LHFPL3: variants seen among roughly 807,000 people sequenced by gnomAD.
LHFPL3 encodes LHFPL tetraspan subfamily member 3 protein.
Under a neutral mutation model 19.3 loss-of-function variants are expected in LHFPL3, and 5 were observed. The ratio of observed to expected loss-of-function variants is 0.26; its 90% CI spans 0.14 to 0.54. The LOEUF (loss-of-function observed/expected upper bound fraction) is 0.54. Among genes scored for constraint, LHFPL3 ranks in the 20% least tolerant of loss-of-function variants. LHFPL3 has a pLI of 0.94. For missense variants in LHFPL3, 249 were observed against 307.4 expected (o/e 0.81, Z 1.42); for synonymous variants, 133 against 126.2 (o/e 1.05, Z -0.36).
At chr7:104,516,125 G>T (rs1227991215) in intron 1 of LHFPL3, among the ~76,000 whole-genome samples, 1 of 152,098 alleles carries the variant, frequency 6.6e-6, no homozygotes, top group African/African-American at 2.4e-5. Context: ...CTGAGGCTGA[G>T]GAGGCCTCAG....
At chr7:104,649,564 AG>A in intron 1 of LHFPL3, among the ~76,000 whole-genome samples, 1 of 152,372 alleles carries the variant, frequency 6.6e-6, no homozygotes, top group Middle Eastern at 3.4e-3. Flanking sequence ...GGAGGGGAGC[AG>A]GAGACCAGCC....
intron 1 of LHFPL3, among the ~76,000 whole-genome samples, chr7:104,503,172 T>C (rs1441897596): frequency 1.3e-5 from 2 of 151,678 alleles, no homozygotes; most frequent in Non-Finnish European, 2.9e-5. Context: ...AATATTAAGC[T>C]TTATAAGATA....
chr7:104,534,268 G>C (rs1429258467), intron 1 of LHFPL3, among the ~76,000 whole-genome samples: 5 of 152,170 alleles, frequency 3.3e-5, no homozygotes, highest in Non-Finnish European at 7.3e-5. Context: ...ATGCTTAAAA[G>C]ACATAGATTT....
intron 1 of LHFPL3, among the ~76,000 whole-genome samples, chr7:104,451,107 A>G (rs980797360): frequency 6.6e-6 from 1 of 152,232 alleles, no homozygotes; most frequent in Non-Finnish European, 1.5e-5. Flanking sequence ...GACTAGGACC[A>G]GAGAACTGAA....
intron 1 of LHFPL3, among the ~76,000 whole-genome samples, chr7:104,329,661 C>T (rs1439032548): frequency 1.3e-5 from 2 of 152,116 alleles, no homozygotes; most frequent in Non-Finnish European, 2.9e-5. Flanking sequence ...CCTGCCCTGC[C>T]CCTCGCTGCT....
chr7:104,646,936 T>C (rs187514444), intron 1 of LHFPL3, among the ~76,000 whole-genome samples: 273 of 152,302 alleles, frequency 1.8e-3, no homozygotes, highest in Non-Finnish European at 3.2e-3. Flanking sequence ...CACAGAGCCA[T>C]GAGCATGAGT....
intron 2 of LHFPL3, among the ~76,000 whole-genome samples, chr7:104,833,100 A>G (rs1791014375): frequency 4.7e-5 from 1 of 21,460 alleles, no homozygotes; most frequent in Non-Finnish European, 1.1e-4. Context: ...ATATAATAGG[A>G]TATATATATA....
At chr7:104,511,711 G>T (rs1263568158) in intron 1 of LHFPL3, among the ~76,000 whole-genome samples, 1 of 152,158 alleles carries the variant, frequency 6.6e-6, no homozygotes, top group East Asian at 1.9e-4. Flanking sequence ...ATTGGTTACA[G>T]TGTACATTGC....
chr7:104,369,945 A>G (rs2116428112), intron 1 of LHFPL3, among the ~76,000 whole-genome samples: 1 of 152,338 alleles, frequency 6.6e-6, no homozygotes, highest in Middle Eastern at 3.4e-3. Flanking sequence ...GTTTTCTCCC[A>G]AGTTATAGCT....
chr7:104,837,907 A>C (rs935782207), intron 2 of LHFPL3, among the ~76,000 whole-genome samples: 1 of 152,242 alleles, frequency 6.6e-6, no homozygotes. Flanking sequence ...TCTTGAACGA[A>C]TAAATGTTTA....
At chr7:104,343,218 T>G (rs1448089811) in intron 1 of LHFPL3, among the ~76,000 whole-genome samples, 1 of 151,724 alleles carries the variant, frequency 6.6e-6, no homozygotes, top group Non-Finnish European at 1.5e-5. Flanking sequence ...GAAATATGAT[T>G]TATAAGAAGC....
intron 1 of LHFPL3, among the ~76,000 whole-genome samples, chr7:104,693,684 C>T (rs913492308): frequency 2.6e-5 from 4 of 151,772 alleles, no homozygotes; most frequent in African/African-American, 4.8e-5. Flanking sequence ...TCAATTAAAC[C>T]TCTTTTCTTT....
At chr7:104,538,226 G>A (rs1794423440) in intron 1 of LHFPL3, among the ~76,000 whole-genome samples, 1 of 152,182 alleles carries the variant, frequency 6.6e-6, no homozygotes, top group South Asian at 2.1e-4. Context: ...TCTGAGCACT[G>A]TAACAGCTAA....
chr7:104,375,199 T>C (rs1437705872), intron 1 of LHFPL3, among the ~76,000 whole-genome samples: 1 of 151,966 alleles, frequency 6.6e-6, no homozygotes, highest in East Asian at 1.9e-4. Flanking sequence ...ATTAGCTGGG[T>C]GTGGTGGTGT....
chr7:104,382,562 T>C (rs1193551076), intron 1 of LHFPL3, among the ~76,000 whole-genome samples: 7 of 152,172 alleles, frequency 4.6e-5, no homozygotes. Context: ...TCTCCAAGGA[T>C]GCTGGATTTA....
intron 1 of LHFPL3, among the ~76,000 whole-genome samples, chr7:104,726,055 C>CAAAAAAA (rs56697785): frequency 0.021 from 1,550 of 74,444 alleles, 64 homozygotes; most frequent in East Asian, 0.068. Context: ...CCATCTCAGG[C>CAAAAAAA]AAAAAAAAAA....
intron 1 of LHFPL3, among the ~76,000 whole-genome samples, chr7:104,597,841 A>C (rs763953998): frequency 1.1e-4 from 16 of 152,218 alleles, no homozygotes; most frequent in Non-Finnish European, 2.2e-4. Flanking sequence ...TTTTTACCCC[A>C]ATATAAACTC....
At chr7:104,831,861 T>C (rs917742709) in intron 2 of LHFPL3, among the ~76,000 whole-genome samples, 1 of 152,012 alleles carries the variant, frequency 6.6e-6, no homozygotes. Context: ...GGTTAGTGAC[T>C]GAAACCTTTT....
chr7:104,543,146 C>T (rs757539249), intron 1 of LHFPL3, among the ~76,000 whole-genome samples: 1 of 151,878 alleles, frequency 6.6e-6, no homozygotes, highest in Admixed American at 6.6e-5. Context: ...CACACTGGGG[C>T]CTGACAGGGG....
Sources: allele counts gnomAD v4.1 joint callset (sites outside exome capture counted in the v4.1 genomes callset), GRCh38; gene constraint gnomAD v4.1.1; transcripts MANE v1.5; gene names NCBI Gene and HGNC (gene_info 2026-07-23, HGNC 2026-07-21).